ANAPC7: variants seen among roughly 807,000 people sequenced by gnomAD.
ANAPC7 encodes anaphase-promoting complex subunit 7.
Under a neutral mutation model 63.3 loss-of-function variants are expected in ANAPC7, and 25 were observed. That is an observed-to-expected ratio of 0.39 (90% CI 0.29 to 0.55). The LOEUF is 0.55. Ranked by LOEUF, ANAPC7 falls within the 20% of genes least tolerant of loss-of-function variation. The pLI is 0.57. For missense variants in ANAPC7, 516 were observed against 691.7 expected (o/e 0.75, Z 2.85); for synonymous variants, 241 against 251.7 (o/e 0.96, Z 0.40).
intron 2 of ANAPC7, among the ~76,000 whole-genome samples, chr12:110,395,854 A>G (rs1227938093): frequency 1.3e-5 from 2 of 152,154 alleles, no homozygotes; most frequent in African/African-American, 4.8e-5. Context: ...CTCATCTTCT[A>G]CATCTAATCA....
intron 6 of ANAPC7, 55 bp from the exon 7 acceptor site, chr12:110,383,015 C>T: frequency 7.1e-7 from 1 of 1,408,852 alleles, no homozygotes; most frequent in Non-Finnish European, 9.9e-7. Flanking sequence ...AGCAGGGGTC[C>T]CACATACAGG....
rs757598375 is a variant in ANAPC7, at chr12:110,376,131, T to A, written c.1443A>T (p.Leu481=). The A allele has an allele frequency of 3.1e-6, 5 of 1,613,840 alleles. No homozygotes were observed. The South Asian group carries it at 5.5e-5, about 18-fold the overall frequency. ...NQSDCVLHRI[L]GDFLVAVNEY... ...CATTGACAGCTACAAGGAAATCTCC[T>A]AGGATCCGATGCAGGACACAGTCAC... Residue 481 remains leucine, a synonymous_variant, in exon 10 of 11, where the codon CTA becomes CTT. Transcript: ENST00000455511.
chr12:110,381,657 A>C, intron 8 of ANAPC7, 95 bp downstream of exon 8: 1 of 1,256,552 alleles, frequency 8.0e-7, no homozygotes, highest in Non-Finnish European at 1.1e-6. Flanking sequence ...TTATTCTAAC[A>C]GAGTTTGGGA....
chr12:110,392,483 A>G (rs1239270193), intron 3 of ANAPC7, among the ~76,000 whole-genome samples: 2 of 152,152 alleles, frequency 1.3e-5, no homozygotes, highest in Non-Finnish European at 2.9e-5. Flanking sequence ...CGTATCTTTT[A>G]AAGGCAGGAG....
At position 110,377,519 on chromosome 12, in the gene ANAPC7, T is replaced by C; in HGVS notation, c.1231A>G (p.Thr411Ala). Residue 411 changes from threonine to alanine, a missense_variant, in exon 9 of 11, where the codon ACC (threonine) becomes GCC (alanine). Coordinates refer to ENST00000455511, the MANE Select transcript of ANAPC7 (RefSeq NM_016238.3). The stretch of plus-strand genomic sequence containing the variant: ...TCAAGACAAACGGTGGCTAAAAGGG[T>C]AAGGGTCTGTGCATTTGCTCCCAGA... ...KTLGANAQTLTLLATVCLEDP... is the reference protein window; with the variant it reads ...KTLGANAQTLALLATVCLEDP... 1 of 1,614,168 alleles carries C rather than the reference T, an allele frequency of 6.2e-7. No homozygotes were observed. The highest frequency in any genetic ancestry group is 1.1e-5 in the South Asian group (1 of 91,080).
intron 8 of ANAPC7, among the ~76,000 whole-genome samples, chr12:110,379,485 T>TA (rs1881616212): frequency 1.3e-5 from 2 of 152,172 alleles, no homozygotes; most frequent in South Asian, 2.1e-4. Context: ...TCTGGTGAAA[T>TA]AGGCATGCAG....
chr12:110,389,472 C>A (rs1043035656), intron 3 of ANAPC7, among the ~76,000 whole-genome samples: 12 of 152,192 alleles, frequency 7.9e-5, no homozygotes, highest in Non-Finnish European at 2.9e-5. Flanking sequence ...ACACTTAAGG[C>A]TTTGGCCCGT....
At chr12:110,386,524 T>C (rs1263536967) in intron 5 of ANAPC7, 55 bp from the exon 6 acceptor site, 73 of 1,452,656 alleles carry the variant, frequency 5.0e-5, no homozygotes, top group Non-Finnish European at 3.0e-5. Context: ...ATCCTCTTAG[T>C]TGCTGAATCT....
At chr12:110,388,656 A>T in intron 3 of ANAPC7, 33 bp from the exon 4 acceptor site, 1 of 1,465,594 alleles carries the variant, frequency 6.8e-7, no homozygotes, top group South Asian at 1.2e-5. Flanking sequence ...TAGCAAAATA[A>T]GCGTATATTG....
intron 8 of ANAPC7, chr12:110,378,604 G>A (rs996116026): frequency 1.3e-5 from 2 of 152,192 alleles, no homozygotes; most frequent in African/African-American, 2.4e-5. Flanking sequence ...CACCCACAGC[G>A]AGACGCCCTA....
chr12:110,401,267 A>C (rs1268453488), intron 1 of ANAPC7, among the ~76,000 whole-genome samples: 2 of 152,208 alleles, frequency 1.3e-5, no homozygotes, highest in African/African-American at 2.4e-5. Flanking sequence ...CAGTCAGAGA[A>C]GACCAGGTCC....
At chr12:110,381,460 C>T (rs746848750) in intron 8 of ANAPC7, among the ~76,000 whole-genome samples, 7 of 152,124 alleles carry the variant, frequency 4.6e-5, no homozygotes, top group Non-Finnish European at 1.0e-4. Flanking sequence ...CTTCAGCCTC[C>T]CAAGTAGCTG....
rs534271698 is a variant in ANAPC7 at position 110,383,309 on chromosome 12, G to A, written c.818-349C>T. 46 of 169,724 alleles carry A rather than the reference G, an allele frequency of 2.7e-4. 2 individuals are homozygous for A. The South Asian group carries it at 6.1e-3, about 22-fold the overall frequency. The allele number at this position is 169,724 out of a possible 1,614,324, so 10.5% of individuals were successfully genotyped here. ...AAAAATTAGCCGGGCATAGTGGCAC[G>A]CGCCTGTAATCCCAGCTACTTGGGA... is the stretch of plus-strand genomic sequence containing the variant. On this transcript the variant is annotated intron_variant, in intron 6 of 10. Transcript: ENST00000455511.
chr12:110,401,873 C>T (rs1484401955), intron 1 of ANAPC7, among the ~76,000 whole-genome samples: 2 of 142,890 alleles, frequency 1.4e-5, no homozygotes, highest in South Asian at 4.4e-4. Context: ...ACTCGGGAGG[C>T]TGAGGCAGGA....
At chr12:110,401,532 G>A (rs1294072591) in intron 1 of ANAPC7, among the ~76,000 whole-genome samples, 1 of 152,172 alleles carries the variant, frequency 6.6e-6, no homozygotes, top group Non-Finnish European at 1.5e-5. Context: ...GCTGAGATGA[G>A]GACCGTCGCA....
Position 110,381,840 on chromosome 12 carries a change from T to C in ANAPC7, c.1044A>G (p.Ala348=). The C allele has an allele frequency of 1.2e-6, 2 of 1,613,944 alleles. No individual in the cohort carries two copies. Among genetic ancestry groups the C allele is most frequent in the Non-Finnish European group, 1.7e-6 (2 of 1,180,006 alleles). The change falls in exon 8 of 11, where the codon GCA becomes GCG. Residue 348 remains alanine (A), a synonymous_variant. Coordinates refer to ENST00000455511, the MANE Select transcript of ANAPC7 (RefSeq NM_016238.3). ...SVQALLLKGA[A]LRNMGRVQEA... ...CTTGGACTCTGCCCATGTTCCTAAG[T>C]GCTGCTCCCTTAAGTAGCAGAGCTT...
intron 8 of ANAPC7, among the ~76,000 whole-genome samples, chr12:110,379,685 C>T (rs1380367082): frequency 6.6e-6 from 1 of 152,152 alleles, no homozygotes; most frequent in African/African-American, 2.4e-5. Flanking sequence ...GTTCTCTTTC[C>T]CAACATCCAA....
intron 9 of ANAPC7, among the ~76,000 whole-genome samples, chr12:110,377,091 C>T (rs576773852): frequency 4.7e-5 from 7 of 149,166 alleles, no homozygotes; most frequent in South Asian, 4.3e-4. Context: ...GAGCTGAGAT[C>T]GCACCACTGC....
At chr12:110,384,547 G>A (rs374842303) in intron 6 of ANAPC7, among the ~76,000 whole-genome samples, 2 of 151,540 alleles carry the variant, frequency 1.3e-5, no homozygotes, top group Admixed American at 6.6e-5. Flanking sequence ...CTAGCCAGGC[G>A]TGGTGGCACA....
Sources: gnomAD v4.1 joint callset for allele counts (sites outside exome capture counted in the v4.1 genomes callset) on GRCh38, gnomAD v4.1.1 for gene constraint, MANE v1.5 for transcripts, NCBI Gene and HGNC (gene_info 2026-07-23, HGNC 2026-07-21) for gene names.